The following SP4 variants were observed in gnomAD, a reference collection of about 807,000 sequenced individuals.
SP4 encodes the protein Sp4 transcription factor, also known as transcription factor Sp4.
In SP4, 19 loss-of-function variants were observed where a neutral mutation model predicts 72.8. The observed-to-expected ratio is 0.26, with a 90% confidence interval of 0.18 to 0.38. The LOEUF (loss-of-function observed/expected upper bound fraction) is 0.38, where lower values mean the gene tolerates loss of function less well. Ranked by LOEUF, SP4 falls within the 10% of genes least tolerant of loss-of-function variation. The pLI is 1.00. For missense variants in SP4, 1,008 were observed against 926.3 expected (o/e 1.09, Z -1.14); for synonymous variants, 395 against 333.1 (o/e 1.19, Z -2.02).
chr7:21,495,347 G>C (rs1227344478), intron 5 of SP4, among the ~76,000 whole-genome samples: 3 of 151,882 alleles, frequency 2.0e-5, no homozygotes, highest in Non-Finnish European at 4.4e-5. Flanking sequence ...TCACATACCT[G>C]ACAAAGTGCT....
In SP4 at chr7:21,475,813, G is replaced by T. The variant is rs557515684; in HGVS notation, c.1679-1266G>T. Among the ~76,000 whole-genome samples, 16 of 152,306 alleles carry T rather than the reference G, an allele frequency of 1.1e-4. No homozygotes were observed. In the South Asian group the frequency reaches 3.3e-3, roughly 32 times the overall value. ...CCATGTAATGAGCAATTCCGTGCCAGCACTCTGGTAGAGGATTTGTAAATT... is the reference window on the plus strand; with the variant it reads ...CCATGTAATGAGCAATTCCGTGCCATCACTCTGGTAGAGGATTTGTAAATT... On this transcript the variant is annotated intron_variant, in intron 3 of 5. Transcript: ENST00000222584.
intron 3 of SP4, among the ~76,000 whole-genome samples, chr7:21,447,074 A>G (rs533958910): frequency 1.3e-5 from 2 of 152,292 alleles, no homozygotes; most frequent in South Asian, 4.1e-4. Context: ...GGGCATGTAG[A>G]TTGCCATCTG....
intron 3 of SP4, among the ~76,000 whole-genome samples, chr7:21,458,818 T>C (rs1783862810): frequency 6.6e-6 from 1 of 151,472 alleles, no homozygotes; most frequent in African/African-American, 2.4e-5. Context: ...TAGAGAAAAA[T>C]CTGTGGCCAG....
At chr7:21,472,590 G>A (rs1360649027) in intron 3 of SP4, among the ~76,000 whole-genome samples, 4 of 152,030 alleles carry the variant, frequency 2.6e-5, no homozygotes, top group African/African-American at 9.7e-5. Flanking sequence ...ACTGCACCTG[G>A]CTGATAAATC....
At chr7:21,504,855 G>A (rs553513200) in intron 5 of SP4, among the ~76,000 whole-genome samples, 1 of 152,296 alleles carries the variant, frequency 6.6e-6, no homozygotes, top group African/African-American at 2.4e-5. Flanking sequence ...AGCACTGCTT[G>A]CACGTATTTG....
intron 3 of SP4, among the ~76,000 whole-genome samples, chr7:21,458,538 G>A (rs1783853228): frequency 6.6e-6 from 1 of 152,150 alleles, no homozygotes; most frequent in African/African-American, 2.4e-5. Context: ...CATCACATAA[G>A]TGAATGAAAC....
At chr7:21,455,263 C>T (rs1783726425) in intron 3 of SP4, among the ~76,000 whole-genome samples, 1 of 152,178 alleles carries the variant, frequency 6.6e-6, no homozygotes. Context: ...GCTTCCCACA[C>T]CACTTGCAAT....
At chr7:21,504,971 C>G (rs947805482) in intron 5 of SP4, among the ~76,000 whole-genome samples, 19 of 152,300 alleles carry the variant, frequency 1.2e-4, no homozygotes, top group African/African-American at 3.8e-4. Flanking sequence ...CCACTGTTAC[C>G]AACAGATGGA....
chr7:21,506,535 G>A (rs1490807152), intron 5 of SP4, among the ~76,000 whole-genome samples: 2 of 152,054 alleles, frequency 1.3e-5, no homozygotes, highest in Admixed American at 6.5e-5. Flanking sequence ...CTCCTAAGTG[G>A]GGGATCTTGA....
intron 5 of SP4, among the ~76,000 whole-genome samples, chr7:21,498,995 G>A (rs901103089): frequency 6.6e-6 from 1 of 150,804 alleles, no homozygotes; most frequent in African/African-American, 2.4e-5. Context: ...CAGGAGAATG[G>A]CAGGAACCTG....
intron 3 of SP4, among the ~76,000 whole-genome samples, chr7:21,442,978 C>T (rs1209549910): frequency 1.3e-5 from 2 of 152,096 alleles, no homozygotes; most frequent in Non-Finnish European, 1.5e-5. Context: ...TCAGGTGATC[C>T]ACCCACCTTG....
At chr7:21,507,312 G>T (rs1164178321) in intron 5 of SP4, among the ~76,000 whole-genome samples, 1 of 152,202 alleles carries the variant, frequency 6.6e-6, no homozygotes, top group Non-Finnish European at 1.5e-5. Context: ...GAAGGAATAG[G>T]GAAGTTCTCA....
At chr7:21,509,322 TTC>T (rs1173309639) in intron 5 of SP4, among the ~76,000 whole-genome samples, 2 of 152,188 alleles carry the variant, frequency 1.3e-5, no homozygotes, top group African/African-American at 4.8e-5. Flanking sequence ...GACCTTTTTT[TTC>T]TCTCCTTTAA....
intron 3 of SP4, among the ~76,000 whole-genome samples, chr7:21,472,657 G>A (rs1442703454): frequency 1.3e-5 from 2 of 151,784 alleles, no homozygotes; most frequent in East Asian, 3.9e-4. Context: ...AATTGCTAAG[G>A]CCATGCATGG....
At chr7:21,479,267 T>G (rs577691108) in intron 4 of SP4, among the ~76,000 whole-genome samples, 270 of 151,764 alleles carry the variant, frequency 1.8e-3, no homozygotes, top group Middle Eastern at 0.014. Flanking sequence ...CCTAGTTGTT[T>G]TTTTTTTTTA....
intron 3 of SP4, among the ~76,000 whole-genome samples, chr7:21,467,343 T>TA (rs1042113605): frequency 3.9e-5 from 6 of 152,086 alleles, no homozygotes; most frequent in South Asian, 2.1e-4. Flanking sequence ...TAGTTACCTT[T>TA]AAAAAAACAA....
At position 21,477,158 on chromosome 7, in the gene SP4, T is replaced by C. The variant is rs1186250011; in HGVS notation, c.1758T>C (p.Ala586=). The part of the protein sequence containing the change: ...APVTVAVGGI[A]NATIGAVSPD... ...TAACTGTAGCAGTTGGAGGAATTGCTAATGCCACGATAGGTGCTGTTAGTC... is the reference window on the plus strand; with the variant it reads ...TAACTGTAGCAGTTGGAGGAATTGCCAATGCCACGATAGGTGCTGTTAGTC... Residue 586 remains alanine, a synonymous_variant, in exon 4 of 6, where the codon GCT becomes GCC. Transcript: ENST00000222584. The C allele has an allele frequency of 3.7e-6, 6 of 1,614,094 alleles. No homozygotes were observed. The highest frequency in any genetic ancestry group is 5.1e-6 in the Non-Finnish European group (6 of 1,180,000).
intron 3 of SP4, among the ~76,000 whole-genome samples, chr7:21,455,778 G>A (rs61043546): frequency 0.036 from 5,491 of 152,274 alleles, 195 homozygotes; most frequent in African/African-American, 0.081. Context: ...TTTGTCTGCA[G>A]TCTTGGGCCA....
intron 3 of SP4, among the ~76,000 whole-genome samples, chr7:21,472,894 G>T (rs75886191): frequency 0.01 from 1,562 of 152,294 alleles, 30 homozygotes; most frequent in African/African-American, 0.035. Flanking sequence ...GTGGCGAGTG[G>T]TGTCAAATGC....
Sources: gnomAD v4.1 joint callset for allele counts (sites outside exome capture counted in the v4.1 genomes callset) on GRCh38, gnomAD v4.1.1 for gene constraint, MANE v1.5 for transcripts, NCBI Gene and HGNC (gene_info 2026-07-23, HGNC 2026-07-21) for gene names.